SNX21: variants seen among roughly 807,000 people sequenced by gnomAD.
SNX21 encodes the protein sorting nexin family member 21.
Under a neutral mutation model 30.9 loss-of-function variants are expected in SNX21, and 36 were observed. That is an observed-to-expected ratio of 1.16 (90% CI 0.89 to 1.54). The LOEUF is 1.54. Among genes scored for constraint, SNX21 ranks in the 40% most tolerant of loss-of-function variants. The pLI is 0.00. For missense variants in SNX21, 508 were observed against 516.5 expected, an observed-to-expected ratio of 0.98 and a Z score of 0.16; for synonymous variants, 218 against 222.7, an observed-to-expected ratio of 0.98 and a Z score of 0.19.
rs1462243354 is a variant in SNX21 at position 45,835,395 on chromosome 20, G to A, written c.447+279G>A. 2.0e-5 allele frequency among the ~76,000 whole-genome samples: 3 copies of A among 152,182 alleles called. No individual in the cohort carries two copies. The East Asian group carries it at 5.8e-4, about 29-fold the overall frequency. On this transcript the variant is annotated intron_variant, in intron 3 of 3. Coordinates refer to ENST00000491381, the MANE Select transcript of SNX21 (RefSeq NM_033421.4). ...GTGCACTTCCCCACCCAGCCCACAA[G>A]GTTTTTGCAAATTGTAGCAAGATGT... is the stretch of plus-strand genomic sequence containing the variant.
In SNX21 at chr20:45,841,015, C is replaced by T; in HGVS notation, c.824C>T (p.Thr275Ile). 6.2e-7 allele frequency: 1 copy of T among 1,609,320 alleles called. No individual in the cohort carries two copies. The highest frequency in any genetic ancestry group is 1.1e-5 in the South Asian group (1 of 90,756). The change falls in exon 4 of 4, where the codon ACC (threonine) becomes ATC (isoleucine). Residue 275 changes from threonine (T) to isoleucine (I), a missense_variant. Physicochemically the swap from Thr to Ile is moderately conservative, Grantham distance 89 (BLOSUM62 -1). Coordinates refer to ENST00000491381, the MANE Select transcript of SNX21 (RefSeq NM_033421.4). ...NAWQLQAQLGTPSGPDRPLLT... is the reference protein window; with the variant it reads ...NAWQLQAQLGIPSGPDRPLLT... ...TGGCAGCTGCAAGCCCAGCTGGGCA[C>T]CCCCTCTGGCCCAGACCGCCCCCTG... is the stretch of plus-strand genomic sequence containing the variant.
rs201345928 is a variant in SNX21 at position 45,833,948 on chromosome 20, C to G, written c.21+8C>G. 4 of 1,438,346 alleles carry G rather than the reference C, an allele frequency of 2.8e-6. No homozygotes were observed. In the African/African-American group the frequency reaches 6.0e-5, roughly 22 times the overall value. 89.1% of individuals were successfully genotyped at this position (1,438,346 alleles called of 1,614,324 possible). A position where few individuals can be genotyped will look rare whatever the true frequency, so the allele number is the denominator to read the frequency against. On this transcript the variant is annotated splice_region_variant and intron_variant, in intron 1 of 3. Transcript: ENST00000491381. ...CACCGTGGGACGCAGGAGGTAGAGG[C>G]GCACGAGGCGGCGCAAGAGACATCG... is the stretch of plus-strand genomic sequence containing the variant.
rs11468705 is a variant in SNX21 at position 45,842,207 on chromosome 20, TGTCGTG to T, written c.*896_*901del. ...CTGCCCCACACAAGGGTGCACTGAG[TGTCGTG>T]GCTGCTCCAAATGCCCCTTCATGAG... On this transcript the variant is annotated 3_prime_UTR_variant, in exon 4 of 4. Coordinates refer to ENST00000491381, the MANE Select transcript of SNX21 (RefSeq NM_033421.4). The T allele has an allele frequency of 5.4e-3, 7,923 of 1,458,608 alleles. 341 individuals carry two copies. In the African/African-American group the frequency reaches 0.097, roughly 18 times the overall value. The allele number at this position is 1,458,608 out of a possible 1,614,324, so 90.4% of individuals were successfully genotyped here.
intron 3 of SNX21, among the ~76,000 whole-genome samples, chr20:45,839,364 A>AAAAAT (rs1983824210): frequency 6.6e-6 from 1 of 152,062 alleles, no homozygotes; most frequent in Non-Finnish European, 1.5e-5. Context: ...AAAATACAAA[A>AAAAAT]AATTAGCCGG....
Position 45,841,029 on chromosome 20 carries a change from G to C in SNX21, c.838G>C (p.Asp280His), listed in dbSNP as rs1437571547. 6.2e-7 allele frequency: 1 copy of C among 1,609,514 alleles called. No homozygotes were observed. Among genetic ancestry groups the C allele is most frequent in the African/African-American group, 1.3e-5 (1 of 74,910 alleles). ...CCAGCTGGGCACCCCCTCTGGCCCAGACCGCCCCCTGCTGACCCTGGCTGG... is the reference window on the plus strand; with the variant it reads ...CCAGCTGGGCACCCCCTCTGGCCCACACCGCCCCCTGCTGACCCTGGCTGG... Reference protein sequence around the residue: ...QAQLGTPSGPDRPLLTLAGLA... With the variant: ...QAQLGTPSGPHRPLLTLAGLA... Residue 280 changes from aspartate (D) to histidine (H), a missense_variant, in exon 4 of 4, where the codon GAC becomes CAC. By Grantham distance (81) the Asp-to-His change is moderately conservative. Coordinates refer to ENST00000491381, the MANE Select transcript of SNX21 (RefSeq NM_033421.4).
intron 3 of SNX21, among the ~76,000 whole-genome samples, chr20:45,836,035 C>T (rs1346757271): frequency 6.6e-6 from 1 of 152,202 alleles, no homozygotes; most frequent in Non-Finnish European, 1.5e-5. Context: ...CACTCCCCTC[C>T]TCTTCACCAC....
At position 45,841,794 on chromosome 20, in the gene SNX21, A is replaced by G; in HGVS notation, c.*481A>G. The G allele has an allele frequency of 1.3e-6, 2 of 1,545,676 alleles. No homozygotes were observed. The highest frequency in any genetic ancestry group is 1.7e-6 in the Non-Finnish European group (2 of 1,152,484). The stretch of plus-strand genomic sequence containing the variant: ...TAACTCCTGTCTCAGGAATGGGGAT[A>G]GATGGGAGGTTCTTGAAGCCCCAGG... On this transcript the variant is annotated 3_prime_UTR_variant, in exon 4 of 4. Transcript: ENST00000491381.
In SNX21 at chr20:45,840,776, C is replaced by A; in HGVS notation, c.585C>A (p.Phe195Leu). ...QFRGPMAAIS[F>L]PRKRLRRNFT... ...GGGGCCCAATGGCTGCCATCTCCTT[C>A]CCCCGTAAGCGGCTGCGCCGGAATT... is the stretch of plus-strand genomic sequence containing the variant. Residue 195 changes from phenylalanine to leucine, a missense_variant, in exon 4 of 4, where the codon TTC (phenylalanine) becomes TTA (leucine). Transcript: ENST00000491381. 1.9e-6 allele frequency: 3 copies of A among 1,614,050 alleles called. No individual in the cohort carries two copies. The highest frequency in any genetic ancestry group is 2.5e-6 in the Non-Finnish European group (3 of 1,180,024).
chr20:45,834,649 G>T (rs1983360278), intron 2 of SNX21, 181 bp downstream of exon 2: 2 of 823,348 alleles, frequency 2.4e-6, no homozygotes. Flanking sequence ...TCTGAGCCAA[G>T]TTTTCCCTTG....
rs753249253 is a variant in SNX21 at position 45,834,404 on chromosome 20, G to GGACGAC, written c.228_233dup (p.Asp76_Asp77dup). The GGACGAC allele has an allele frequency of 1.2e-6, 2 of 1,601,926 alleles. No homozygotes were observed. Among genetic ancestry groups the GGACGAC allele is most frequent in the Non-Finnish European group, 1.7e-6 (2 of 1,175,062 alleles). The stretch of plus-strand genomic sequence containing the variant: ...AGGACGACGAGGACGACGAGGACGA[G>GGACGAC]GACGACGAGGAGGCTGGCCCTGACC... On this transcript the variant is annotated inframe_insertion, in exon 2 of 4. Transcript: ENST00000491381.
rs1464981331 is a variant in SNX21 at position 45,841,813 on chromosome 20, C to T, written c.*500C>T. On this transcript the variant is annotated 3_prime_UTR_variant, in exon 4 of 4. Coordinates refer to ENST00000491381, the MANE Select transcript of SNX21 (RefSeq NM_033421.4). ...GGGGATAGATGGGAGGTTCTTGAAG[C>T]CCCAGGCGAAGCTGGTACCTCTGGC... The T allele has an allele frequency of 1.9e-6, 3 of 1,571,596 alleles. No homozygotes were observed. The highest frequency in any genetic ancestry group is 3.6e-4 in the Middle Eastern group (2 of 5,496).
chr20:45,834,071 G>T (rs1183151873), intron 1 of SNX21, 130 bp from the exon 2 acceptor site: 5 of 1,398,322 alleles, frequency 3.6e-6, no homozygotes, highest in Admixed American at 3.1e-5. Context: ...GCAAGACCTC[G>T]GACTGCCAGG....
At chr20:45,836,308 G>T (rs927828158) in intron 3 of SNX21, among the ~76,000 whole-genome samples, 1 of 151,862 alleles carries the variant, frequency 6.6e-6, no homozygotes, top group African/African-American at 2.4e-5. Flanking sequence ...TGGATAACAC[G>T]GTGAAACCCC....
chr20:45,834,479 G>C lies in SNX21; in HGVS notation c.289+11G>C. ...CAGGAGAAGACGCAGGCGAGTGCAG[G>C]AGGACGGAGGCGGGAACCCTGGGGC... is the stretch of plus-strand genomic sequence containing the variant. On this transcript the variant is annotated intron_variant, in intron 2 of 3. Coordinates refer to ENST00000491381, the MANE Select transcript of SNX21 (RefSeq NM_033421.4). 6.3e-7 allele frequency: 1 copy of C among 1,590,558 alleles called. No homozygotes were observed.
chr20:45,837,884 C>T (rs1483027445), intron 3 of SNX21, among the ~76,000 whole-genome samples: 1 of 151,348 alleles, frequency 6.6e-6, no homozygotes, highest in Non-Finnish European at 1.5e-5. Context: ...GCAATCCTCC[C>T]GCCTCAGCCT....
At chr20:45,835,502 G>T (rs192451085) in intron 3 of SNX21, among the ~76,000 whole-genome samples, 4 of 152,284 alleles carry the variant, frequency 2.6e-5, no homozygotes, top group African/African-American at 9.6e-5. Context: ...ATAGGCTTTC[G>T]ATCCAGACCA....
chr20:45,834,671 A>G (rs1032203246), intron 2 of SNX21: 24 of 713,610 alleles, frequency 3.4e-5, no homozygotes, highest in Non-Finnish European at 5.2e-5. Context: ...GTCAAGTGGG[A>G]GAACTCACTC....
In SNX21 at chr20:45,843,221, G is replaced by A; in HGVS notation, c.*1908G>A. 1.9e-6 allele frequency: 1 copy of A among 522,062 alleles called. No individual in the cohort carries two copies. The highest frequency in any genetic ancestry group is 3.4e-6 in the Non-Finnish European group (1 of 293,302). 32.3% of individuals were successfully genotyped at this position (522,062 alleles called of 1,614,324 possible). A position where few individuals can be genotyped will look rare whatever the true frequency, so the allele number is the denominator to read the frequency against. Reference sequence around the variant, plus strand: ...CCCTCTTTGTTTAGATGAGGAAACTGAGGTTCAGATGGAAGATATGATTTG... The same window carrying A: ...CCCTCTTTGTTTAGATGAGGAAACTAAGGTTCAGATGGAAGATATGATTTG... On this transcript the variant is annotated 3_prime_UTR_variant, in exon 4 of 4. Transcript: ENST00000491381.
chr20:45,836,756 A>T (rs74174978), intron 3 of SNX21, among the ~76,000 whole-genome samples: 4,529 of 152,180 alleles, frequency 0.03, 188 homozygotes, highest in Admixed American at 0.12. Context: ...GCTGAGAGGA[A>T]TGGGGGTGAC....
Sources: gnomAD v4.1 joint callset for allele counts (sites outside exome capture counted in the v4.1 genomes callset) on GRCh38, gnomAD v4.1.1 for gene constraint, MANE v1.5 for transcripts, NCBI Gene and HGNC (gene_info 2026-07-23, HGNC 2026-07-21) for gene names.